CCBE1: variants seen among roughly 807,000 people sequenced by gnomAD.
CCBE1 encodes the protein collagen and calcium-binding EGF domain-containing protein 1.
In CCBE1, 37 loss-of-function variants were observed where a neutral mutation model predicts 50.0. That is an observed-to-expected ratio of 0.74 (90% CI 0.57 to 0.97). CCBE1 has a LOEUF of 0.97. Ranked by LOEUF, CCBE1 falls within the 50% of genes least tolerant of loss-of-function variation. The probability of loss-of-function intolerance (pLI) is 0.00; values close to 1 mark genes in which losing one functional copy is unlikely to be tolerated. For missense variants in CCBE1, 538 were observed against 523.8 expected (o/e 1.03, Z -0.26); for synonymous variants, 234 against 203.7 (o/e 1.15, Z -1.27).
intron 2 of CCBE1, among the ~76,000 whole-genome samples, chr18:59,586,008 C>A (rs181485437): frequency 2.6e-4 from 40 of 152,254 alleles, no homozygotes; most frequent in African/African-American, 8.9e-4. Flanking sequence ...GAAAATCTTT[C>A]TTTTTAGTAA....
At chr18:59,642,948 CA>C (rs10683687) in intron 2 of CCBE1, among the ~76,000 whole-genome samples, 33,780 of 93,410 alleles carry the variant, frequency 0.36, 3,858 homozygotes, top group Middle Eastern at 0.52. Context: ...GACTCCACCT[CA>C]AAAAAAAAAA....
At chr18:59,672,527 T>C (rs775854539) in intron 2 of CCBE1, among the ~76,000 whole-genome samples, 1 of 151,884 alleles carries the variant, frequency 6.6e-6, no homozygotes, top group Non-Finnish European at 1.5e-5. Flanking sequence ...AGTGGAGAGG[T>C]CAGCTGGAAG....
intron 2 of CCBE1, among the ~76,000 whole-genome samples, chr18:59,625,152 C>CCGG (rs2053763385): frequency 6.6e-6 from 1 of 152,186 alleles, no homozygotes; most frequent in Non-Finnish European, 1.5e-5. Flanking sequence ...TAGCCATAGG[C>CCGG]CGGGCGTGGT....
At chr18:59,664,253 C>A (rs1181653863) in intron 2 of CCBE1, among the ~76,000 whole-genome samples, 2 of 152,128 alleles carry the variant, frequency 1.3e-5, no homozygotes, top group African/African-American at 4.8e-5. Flanking sequence ...CAGACCCCAC[C>A]TAATCCCATC....
chr18:59,601,374 G>T (rs1284206129), intron 2 of CCBE1, among the ~76,000 whole-genome samples: 1 of 151,938 alleles, frequency 6.6e-6, no homozygotes, highest in South Asian at 2.1e-4. Context: ...TAAGTCTCAC[G>T]AGATCTGATG....
At position 59,431,359 on chromosome 18, in the gene CCBE1, A is replaced by G. The variant is rs1909941002; in HGVS notation, c.*4549T>C. ...CATCTATTTCCCTGAACTCATTATT[A>G]ATAACTTTAGATGGCTCTATTCTAC... On this transcript the variant is annotated 3_prime_UTR_variant, in exon 11 of 11. Transcript: ENST00000439986. The G allele has an allele frequency of 6.6e-6, 1 of 152,228 alleles. No individual in the cohort carries two copies. The highest frequency in any genetic ancestry group is 2.1e-4 in the South Asian group (1 of 4,834). The allele number at this position is 152,228 out of a possible 1,614,324, so 9.4% of individuals were successfully genotyped here.
chr18:59,442,955 A>G (rs1305587237), intron 7 of CCBE1, among the ~76,000 whole-genome samples: 4 of 151,708 alleles, frequency 2.6e-5, no homozygotes, highest in East Asian at 3.9e-4. Context: ...CTATGTATCT[A>G]TGTGACCTGC....
At chr18:59,446,602 C>T (rs1598907077) in intron 7 of CCBE1, among the ~76,000 whole-genome samples, 1 of 149,762 alleles carries the variant, frequency 6.7e-6, no homozygotes, top group East Asian at 1.9e-4. Flanking sequence ...AGAAAACACA[C>T]AAATCCTCCG....
At position 59,435,981 on chromosome 18, in the gene CCBE1, A is replaced by G. The variant is rs755044198; in HGVS notation, c.1148T>C (p.Leu383Pro). 5.0e-6 allele frequency: 8 copies of G among 1,614,166 alleles called. No individual in the cohort carries two copies. Among genetic ancestry groups the G allele is most frequent in the Non-Finnish European group, 6.8e-6 (8 of 1,180,036 alleles). The change falls in exon 11 of 11, where the codon CTG becomes CCG. Residue 383 changes from leucine (L) to proline (P), a missense_variant. Transcript: ENST00000439986. ...EFPSYPEAMD[L>P]GSGDDHPRRT... is the part of the protein sequence containing the mutation. ...TCTTGGATGGTCATCTCCAGAGCCC[A>G]GGTCCATGGCTTCTGGGTAGCTGGG... is the stretch of plus-strand genomic sequence containing the variant.
At chr18:59,517,449 T>C (rs1342251512) in intron 2 of CCBE1, among the ~76,000 whole-genome samples, 1 of 152,252 alleles carries the variant, frequency 6.6e-6, no homozygotes, top group African/African-American at 2.4e-5. Context: ...ATTTTGGCTC[T>C]GTTTCAGATA....
At chr18:59,659,917 C>G (rs1465997835) in intron 2 of CCBE1, among the ~76,000 whole-genome samples, 1 of 152,196 alleles carries the variant, frequency 6.6e-6, no homozygotes, top group Non-Finnish European at 1.5e-5. Flanking sequence ...AAGTTTGTGT[C>G]ACTGATTCCC....
intron 2 of CCBE1, among the ~76,000 whole-genome samples, chr18:59,505,616 C>T (rs1291582737): frequency 1.3e-5 from 2 of 152,184 alleles, no homozygotes; most frequent in African/African-American, 4.8e-5. Flanking sequence ...CTGTGTTACA[C>T]AATTTCATAT....
Position 59,610,849 on chromosome 18 carries a change from CCA to C in CCBE1, c.212+85778_212+85779del, listed in dbSNP as rs1314855667. Among the ~76,000 whole-genome samples the C allele has an allele frequency of 2.6e-4, 39 of 152,364 alleles. No individual in the cohort carries two copies. The East Asian group carries it at 7.3e-3, about 29-fold the overall frequency. On this transcript the variant is annotated intron_variant, in intron 2 of 10. Coordinates refer to ENST00000439986, the MANE Select transcript of CCBE1 (RefSeq NM_133459.4). ...TTTCAGGATGCAGCTCCCATCTGCT[CCA>C]CCAGCGCCCCTGGGGATTCACAGGC... is the stretch of plus-strand genomic sequence containing the variant.
chr18:59,661,739 G>A (rs1377860593), intron 2 of CCBE1, among the ~76,000 whole-genome samples: 2 of 152,154 alleles, frequency 1.3e-5, no homozygotes, highest in African/African-American at 2.4e-5. Flanking sequence ...AGCCCGAGGC[G>A]GGAGGATGAC....
At chr18:59,646,555 G>C (rs2054057471) in intron 2 of CCBE1, among the ~76,000 whole-genome samples, 1 of 152,220 alleles carries the variant, frequency 6.6e-6, no homozygotes. Context: ...CTTGGGAATA[G>C]TTTGGGCTTT....
At chr18:59,509,311 C>CATAT (rs77853140) in intron 2 of CCBE1, among the ~76,000 whole-genome samples, 1 of 151,924 alleles carries the variant, frequency 6.6e-6, no homozygotes, top group South Asian at 2.1e-4. Context: ...GAATAAAAAT[C>CATAT]ATATATATAC....
At chr18:59,455,896 GCT>G (rs1464946363) in intron 5 of CCBE1, among the ~76,000 whole-genome samples, 3 of 152,250 alleles carry the variant, frequency 2.0e-5, no homozygotes, top group African/African-American at 7.2e-5. Flanking sequence ...GGCCAGGTTT[GCT>G]CTTTGTGTGA....
chr18:59,612,522 A>G (rs777674772), intron 2 of CCBE1, among the ~76,000 whole-genome samples: 15 of 152,100 alleles, frequency 9.9e-5, no homozygotes, highest in Non-Finnish European at 1.9e-4. Context: ...TAGAAAGTAG[A>G]GGTTTTCTGG....
chr18:59,576,486 A>G (rs2144498451), intron 2 of CCBE1, among the ~76,000 whole-genome samples: 1 of 152,334 alleles, frequency 6.6e-6, no homozygotes. Context: ...TTAAATGGGG[A>G]CAATGCCTAA....
Sources: gnomAD v4.1 joint callset for allele counts (sites outside exome capture counted in the v4.1 genomes callset) on GRCh38, gnomAD v4.1.1 for gene constraint, MANE v1.5 for transcripts, NCBI Gene and HGNC (gene_info 2026-07-23, HGNC 2026-07-21) for gene names.